The following CSMD1 variants were observed in gnomAD, a reference collection of about 807,000 sequenced individuals.
The protein encoded by CSMD1 is CUB and Sushi multiple domains 1.
In CSMD1, 213 loss-of-function variants were observed where a neutral mutation model predicts 417.5. The ratio of observed to expected loss-of-function variants is 0.51; its 90% CI spans 0.46 to 0.57. CSMD1 has a LOEUF of 0.57. Ranked by LOEUF, CSMD1 falls within the 20% of genes least tolerant of loss-of-function variation. CSMD1 has a pLI of 0.00. For synonymous variants in CSMD1, 2,862 were observed against 1,736.8 expected (o/e 1.65, Z -16.11); for missense variants, 6,923 against 4,529.7 (o/e 1.53, Z -15.17).
At chr8:4,104,506 T>C (rs915304329) in intron 3 of CSMD1, among the ~76,000 whole-genome samples, 1 of 152,208 alleles carries the variant, frequency 6.6e-6, no homozygotes, top group African/African-American at 2.4e-5. Flanking sequence ...CTTTCACGGA[T>C]TGAGGCCCCA....
chr8:4,375,516 G>A (rs570291599), intron 3 of CSMD1, among the ~76,000 whole-genome samples: 2 of 152,178 alleles, frequency 1.3e-5, no homozygotes, highest in African/African-American at 4.8e-5. Context: ...GACATCAGAA[G>A]AATTTTTTTT....
At chr8:4,000,172 A>G (rs1214723055) in intron 4 of CSMD1, among the ~76,000 whole-genome samples, 1 of 151,182 alleles carries the variant, frequency 6.6e-6, no homozygotes, top group Non-Finnish European at 1.5e-5. Flanking sequence ...AAGCTGCACA[A>G]CTGCCCAGCT....
At chr8:4,703,693 C>T (rs766496918) in intron 1 of CSMD1, among the ~76,000 whole-genome samples, 10 of 151,968 alleles carry the variant, frequency 6.6e-5, no homozygotes, top group Middle Eastern at 3.2e-3. Flanking sequence ...GCATTGCCTG[C>T]GACCTTGAAT....
At chr8:3,597,338 T>A (rs1016029006) in intron 8 of CSMD1, among the ~76,000 whole-genome samples, 4 of 151,996 alleles carry the variant, frequency 2.6e-5, no homozygotes, top group Admixed American at 6.6e-5. Context: ...CTCTGTCTGG[T>A]TCCAATTTCC....
chr8:3,115,205 C>CCT (rs1554429282), intron 42 of CSMD1, among the ~76,000 whole-genome samples: 2 of 104,642 alleles, frequency 1.9e-5, no homozygotes, highest in Non-Finnish European at 3.8e-5. Context: ...CCCCCCCCCC[C>CCT]CTTTTTTTTT....
intron 3 of CSMD1, among the ~76,000 whole-genome samples, chr8:4,371,024 G>C (rs1802363259): frequency 6.6e-6 from 1 of 152,202 alleles, no homozygotes; most frequent in Non-Finnish European, 1.5e-5. Flanking sequence ...TAGGGTCTTG[G>C]AGTGGTTCAT....
intron 3 of CSMD1, among the ~76,000 whole-genome samples, chr8:4,234,305 G>A (rs1348416648): frequency 6.6e-6 from 1 of 152,142 alleles, no homozygotes; most frequent in Non-Finnish European, 1.5e-5. Context: ...CCATAGAGCT[G>A]GCGATTGCAG....
chr8:3,382,394 A>G (rs1810683307), intron 18 of CSMD1, among the ~76,000 whole-genome samples: 1 of 144,856 alleles, frequency 6.9e-6, no homozygotes, highest in African/African-American at 2.5e-5. Context: ...TTAGTTATAT[A>G]TATGTTATTA....
At chr8:4,982,521 C>A (rs997111286) in intron 1 of CSMD1, among the ~76,000 whole-genome samples, 6 of 152,186 alleles carry the variant, frequency 3.9e-5, no homozygotes, top group Admixed American at 1.3e-4. Context: ...CAAATCTCTT[C>A]TTCTGATTTT....
chr8:4,510,390 T>TAAAAAGAAAAAAAAAA (rs1802751113), intron 2 of CSMD1, among the ~76,000 whole-genome samples: 1 of 54,618 alleles, frequency 1.8e-5, no homozygotes, highest in African/African-American at 7.7e-5. Flanking sequence ...GCATAATGCC[T>TAAAAAGAAAAAAAAAA]AAAAAAAAAA....
Position 4,994,161 on chromosome 8 carries a change from G to C in CSMD1, c.85+171C>G, listed in dbSNP as rs532963473. On this transcript the variant is annotated intron_variant, in intron 1 of 69. Transcript: ENST00000635120. ...GGGGCCCAGGAGGGCTGGGGAGAGCGCGATGGAAGCTCCCTCCCGTGCATC... is the reference window on the plus strand; with the variant it reads ...GGGGCCCAGGAGGGCTGGGGAGAGCCCGATGGAAGCTCCCTCCCGTGCATC... 2.0e-5 allele frequency among the ~76,000 whole-genome samples: 3 copies of C among 152,204 alleles called. No individual in the cohort carries two copies. In the South Asian group the frequency reaches 6.2e-4, roughly 32 times the overall value.
At chr8:3,137,446 G>A (rs961832496) in intron 41 of CSMD1, among the ~76,000 whole-genome samples, 2 of 152,236 alleles carry the variant, frequency 1.3e-5, no homozygotes, top group African/African-American at 4.8e-5. Flanking sequence ...AGCAATTACA[G>A]GTAAGGCACT....
At chr8:4,847,428 T>A (rs1180760353) in intron 1 of CSMD1, among the ~76,000 whole-genome samples, 1 of 152,168 alleles carries the variant, frequency 6.6e-6, no homozygotes, top group African/African-American at 2.4e-5. Flanking sequence ...CACTTTTGGA[T>A]TTACAGAAAA....
chr8:4,752,905 C>T (rs1364987462), intron 1 of CSMD1, among the ~76,000 whole-genome samples: 1 of 152,136 alleles, frequency 6.6e-6, no homozygotes, highest in Admixed American at 6.5e-5. Flanking sequence ...CCACACTTTC[C>T]AGCGCTATTA....
chr8:4,777,361 G>A (rs1280112242), intron 1 of CSMD1, among the ~76,000 whole-genome samples: 2 of 152,124 alleles, frequency 1.3e-5, no homozygotes, highest in Non-Finnish European at 2.9e-5. Context: ...TGAGATGTCT[G>A]GTTTTGAGCT....
At chr8:3,859,886 T>A (rs1397711385) in intron 5 of CSMD1, among the ~76,000 whole-genome samples, 1 of 152,174 alleles carries the variant, frequency 6.6e-6, no homozygotes, top group Non-Finnish European at 1.5e-5. Context: ...TCAGATGATG[T>A]TTAACATATA....
rs143961545 is a variant in CSMD1, at chr8:3,067,441, A to T, written c.7475-14794T>A. On this transcript the variant is annotated intron_variant, in intron 49 of 69. Transcript: ENST00000635120. ...GGAGGAGATTATATTGGTTTACTGA[A>T]GCAAGTCCCATTTCAGAAGCAGAAA... Among the ~76,000 whole-genome samples the T allele has an allele frequency of 6.2e-3, 938 of 152,152 alleles. 6 individuals carry two copies. The highest frequency in any genetic ancestry group is 0.021 in the African/African-American group (891 of 41,500).
At chr8:4,053,603 C>A (rs73500916) in intron 3 of CSMD1, among the ~76,000 whole-genome samples, 2,245 of 152,252 alleles carry the variant, frequency 0.015, 52 homozygotes, top group East Asian at 0.088. Context: ...AACCTCTGAT[C>A]TCCTTTCTAT....
chr8:3,737,294 T>G (rs1363452037), intron 6 of CSMD1, among the ~76,000 whole-genome samples: 4 of 152,188 alleles, frequency 2.6e-5, no homozygotes, highest in Non-Finnish European at 5.9e-5. Flanking sequence ...TAAATTGATG[T>G]GACTTCCTTC....
Sources: gnomAD v4.1 joint callset for allele counts (sites outside exome capture counted in the v4.1 genomes callset) on GRCh38, gnomAD v4.1.1 for gene constraint, MANE v1.5 for transcripts, NCBI Gene and HGNC (gene_info 2026-07-23, HGNC 2026-07-21) for gene names.